CTDP1: variants seen among roughly 807,000 people sequenced by gnomAD.
The protein encoded by CTDP1 is RNA polymerase II subunit A C-terminal domain phosphatase.
CTDP1 carries 47 observed loss-of-function variants against 91.8 expected under a neutral mutation model. The observed-to-expected ratio is 0.51, with a 90% CI of 0.41 to 0.65. The LOEUF (loss-of-function observed/expected upper bound fraction) is 0.65. Ranked by LOEUF, CTDP1 falls within the 30% of genes least tolerant of loss-of-function variation. The pLI, the probability that CTDP1 is intolerant of heterozygous loss-of-function variation, is 0.00. For synonymous variants in CTDP1, 656 were observed against 598.5 expected, an observed-to-expected ratio of 1.10 and a Z score of -1.40; for missense variants, 1,272 against 1,373.7, an observed-to-expected ratio of 0.93 and a Z score of 1.17.
intron 4 of CTDP1, among the ~76,000 whole-genome samples, chr18:79,698,460 G>A (rs894071266): frequency 4.6e-5 from 7 of 152,160 alleles, no homozygotes; most frequent in South Asian, 2.1e-4. Context: ...GGTGACCAGC[G>A]TACATTCTCC....
chr18:79,736,516 G>A lies in CTDP1; in HGVS notation c.2742G>A (p.Gly914=), dbSNP rs145979721. The A allele has an allele frequency of 1.3e-6, 2 of 1,543,240 alleles. No individual in the cohort carries two copies. Among genetic ancestry groups the A allele is most frequent in the Non-Finnish European group, 1.7e-6 (2 of 1,143,338 alleles). The change falls in exon 12 of 13, where the codon GGG becomes GGA. Residue 914 remains glycine, a synonymous_variant. Transcript: ENST00000613122. ...AGAGGAGCGCGGCAGGGGGCCGGGG[G>A]CCCAGGTGAGTGCGGGGTCTGAGGT... ...SSERSAAGGR[G]PRGHKRKLNE...
At chr18:79,691,271 G>T (rs1224011673) in intron 1 of CTDP1, among the ~76,000 whole-genome samples, 3 of 152,216 alleles carry the variant, frequency 2.0e-5, no homozygotes, top group African/African-American at 7.2e-5. Context: ...CAGACCTCAG[G>T]CTGCGCTGGT....
intron 11 of CTDP1, 60 bp downstream of exon 11, chr18:79,729,129 T>G (rs2086513102): frequency 6.2e-7 from 1 of 1,603,758 alleles, no homozygotes; most frequent in Non-Finnish European, 8.5e-7. Flanking sequence ...CGCAGAGCTC[T>G]GGTGTGCGGG....
At chr18:79,685,143 C>G (rs555843107) in intron 1 of CTDP1, among the ~76,000 whole-genome samples, 1 of 152,266 alleles carries the variant, frequency 6.6e-6, no homozygotes, top group South Asian at 2.1e-4. Flanking sequence ...GTCCTTGGTT[C>G]TCTGCGTGCT....
intron 12 of CTDP1, among the ~76,000 whole-genome samples, chr18:79,748,307 C>T (rs1212230585): frequency 1.3e-5 from 2 of 152,182 alleles, no homozygotes; most frequent in African/African-American, 4.8e-5. Context: ...CTTAGTGAGG[C>T]GCTCCCTGTA....
chr18:79,700,922 A>T (rs904720611), intron 4 of CTDP1, among the ~76,000 whole-genome samples: 3 of 152,182 alleles, frequency 2.0e-5, no homozygotes, highest in Admixed American at 6.5e-5. Context: ...CTTAAGAATG[A>T]TGCTAAATCT....
At chr18:79,735,872 G>A (rs149325996) in intron 11 of CTDP1, 1,881 of 183,648 alleles carry the variant, frequency 0.01, 15 homozygotes, top group Middle Eastern at 0.028. Context: ...CAGAGCGAGC[G>A]GGTGGACATC....
At chr18:79,735,125 C>T (rs373385724) in intron 11 of CTDP1, among the ~76,000 whole-genome samples, 5 of 152,024 alleles carry the variant, frequency 3.3e-5, no homozygotes, top group Admixed American at 6.6e-5. Flanking sequence ...GGCTTCACAC[C>T]GAGTCTCTGT....
intron 10 of CTDP1, among the ~76,000 whole-genome samples, chr18:79,722,768 T>C (rs1186805089): frequency 6.6e-6 from 1 of 152,206 alleles, no homozygotes; most frequent in Non-Finnish European, 1.5e-5. Context: ...CCTGTTTGAA[T>C]GTCTCCCTCC....
chr18:79,751,525 A>G (rs2087000851), intron 12 of CTDP1, among the ~76,000 whole-genome samples: 1 of 152,148 alleles, frequency 6.6e-6, no homozygotes, highest in South Asian at 2.1e-4. Flanking sequence ...GTGCCAGCCC[A>G]CGGGGTTCTC....
chr18:79,694,075 T>C (rs2085682846), intron 1 of CTDP1, among the ~76,000 whole-genome samples: 1 of 152,066 alleles, frequency 6.6e-6, no homozygotes, highest in African/African-American at 2.4e-5. Context: ...CCTGGAAAGG[T>C]CCCATTGACA....
chr18:79,745,273 C>T (rs533314497), intron 12 of CTDP1, among the ~76,000 whole-genome samples: 4 of 134,482 alleles, frequency 3.0e-5, no homozygotes, highest in Non-Finnish European at 6.5e-5. Context: ...GCGTCCCTCC[C>T]GTGCGCGTTC....
intron 1 of CTDP1, 89 bp downstream of exon 1, chr18:79,680,350 C>T: frequency 6.4e-6 from 7 of 1,086,992 alleles, no homozygotes; most frequent in Non-Finnish European, 8.2e-6. Context: ...CCGCGGTGGG[C>T]AGGGGCGCCC....
Position 79,679,891 on chromosome 18 carries a change from TG to T in CTDP1, c.-56del. The T allele has an allele frequency of 5.4e-6, 7 of 1,291,294 alleles. No homozygotes were observed. The highest frequency in any genetic ancestry group is 6.9e-6 in the Non-Finnish European group (7 of 1,009,382). 80.0% of individuals were successfully genotyped at this position (1,291,294 alleles called of 1,614,324 possible). A position where few individuals can be genotyped will look rare whatever the true frequency, so the allele number is the denominator to read the frequency against. ...TGGGTTGTGTCGCCGCGGTAGGCGC[TG>T]CGCTCTGAGCGCAGCGCAGGCCCCG... On this transcript the variant is annotated 5_prime_UTR_variant, in exon 1 of 13. Transcript: ENST00000613122.
In CTDP1 at chr18:79,690,494, G is replaced by A. The variant is rs182011397; in HGVS notation, c.315-4731G>A. On this transcript the variant is annotated intron_variant, in intron 1 of 12. Transcript: ENST00000613122. ...ATCCGCATTCAAGAATCCACAACGT[G>A]TCACACCCCTTTTTAAGGTGTGGAG... 2.7e-3 allele frequency among the ~76,000 whole-genome samples: 413 copies of A among 152,340 alleles called. 4 individuals are homozygous for A. The highest frequency in any genetic ancestry group is 0.025 in the Admixed American group (380 of 15,308).
Position 79,728,943 on chromosome 18 carries a change from A to G in CTDP1, c.2454A>G (p.Glu818=). The change falls in exon 11 of 13, where the codon GAA becomes GAG. Residue 818 remains glutamate (E), a synonymous_variant. Coordinates refer to ENST00000613122, the MANE Select transcript of CTDP1 (RefSeq NM_004715.5). ...CACCCCAGCCGCAGATGTTTGGTGA[A>G]GAGCTGCCTGACGCTCAGGACGGAG... is the stretch of plus-strand genomic sequence containing the variant. ...VPPPQPQMFG[E]ELPDAQDGEQ... is the part of the protein sequence containing the mutation. 1.9e-6 allele frequency: 3 copies of G among 1,613,176 alleles called. No individual in the cohort carries two copies. The highest frequency in any genetic ancestry group is 2.5e-6 in the Non-Finnish European group (3 of 1,179,080).
intron 2 of CTDP1, 84 bp downstream of exon 2, chr18:79,695,392 C>A: frequency 1.6e-6 from 2 of 1,243,596 alleles, no homozygotes; most frequent in South Asian, 1.2e-5. Context: ...GTGCTGGGAA[C>A]ACAGTGAGGC....
At chr18:79,731,640 A>G (rs2086568052) in intron 11 of CTDP1, among the ~76,000 whole-genome samples, 1 of 152,240 alleles carries the variant, frequency 6.6e-6, no homozygotes, top group Non-Finnish European at 1.5e-5. Flanking sequence ...CCACGTCCAG[A>G]ACATGCCTAA....
intron 6 of CTDP1, among the ~76,000 whole-genome samples, chr18:79,711,136 C>T (rs2122601553): frequency 6.6e-6 from 1 of 152,188 alleles, no homozygotes; most frequent in South Asian, 2.1e-4. Flanking sequence ...GATGTCAGCC[C>T]GCCACCTGAC....
Sources: allele counts gnomAD v4.1 joint callset (sites outside exome capture counted in the v4.1 genomes callset), GRCh38; gene constraint gnomAD v4.1.1; transcripts MANE v1.5; gene names NCBI Gene and HGNC (gene_info 2026-07-23, HGNC 2026-07-21).